SLC25A26: variants seen among roughly 807,000 people sequenced by gnomAD.
SLC25A26 encodes mitochondrial S-adenosylmethionine carrier protein.
In SLC25A26, 36 loss-of-function variants were observed where a neutral mutation model predicts 37.8. The ratio of observed to expected loss-of-function variants is 0.95; its 90% CI spans 0.73 to 1.26. The LOEUF is 1.26. SLC25A26 is among the 50% of genes most tolerant of loss of function. The pLI, the probability that SLC25A26 is intolerant of heterozygous loss-of-function variation, is 0.00. For synonymous variants in SLC25A26, 129 were observed against 122.5 expected (o/e 1.05, Z -0.35); for missense variants, 390 against 331.1 (o/e 1.18, Z -1.38).
intron 1 of SLC25A26, among the ~76,000 whole-genome samples, chr3:66,168,116 G>A (rs549198343): frequency 1.5e-4 from 15 of 102,234 alleles, no homozygotes; most frequent in Non-Finnish European, 2.9e-4. Context: ...TCGTGCCATC[G>A]CACTCCAGAC....
intron 1 of SLC25A26, among the ~76,000 whole-genome samples, chr3:66,193,860 G>A (rs2070992174): frequency 6.6e-6 from 1 of 152,114 alleles, no homozygotes; most frequent in Admixed American, 6.6e-5. Context: ...GACAAGAAAA[G>A]TCTTGGAGAA....
At chr3:66,328,082 T>C (rs1041249923) in intron 5 of SLC25A26, among the ~76,000 whole-genome samples, 6 of 152,170 alleles carry the variant, frequency 3.9e-5, no homozygotes, top group African/African-American at 1.4e-4. Flanking sequence ...ACCTCCCGCC[T>C]GCCATTGGTT....
intron 5 of SLC25A26, among the ~76,000 whole-genome samples, chr3:66,322,907 G>A (rs2075734480): frequency 6.6e-6 from 1 of 152,188 alleles, no homozygotes; most frequent in Non-Finnish European, 1.5e-5. Context: ...TCAAGTGGGA[G>A]CAAATTTCCC....
At chr3:66,270,175 CTT>C (rs1469359369) in intron 5 of SLC25A26, among the ~76,000 whole-genome samples, 2 of 152,114 alleles carry the variant, frequency 1.3e-5, no homozygotes, top group Non-Finnish European at 2.9e-5. Context: ...AGCGTATATA[CTT>C]TTCTAAGATT....
chr3:66,147,530 A>T (rs1340990505), intron 1 of SLC25A26, among the ~76,000 whole-genome samples: 1 of 151,914 alleles, frequency 6.6e-6, no homozygotes, highest in Non-Finnish European at 1.5e-5. Flanking sequence ...GCACTTGTGG[A>T]CTGTGCGGCT....
At chr3:66,313,080 T>C (rs2075429152) in intron 5 of SLC25A26, among the ~76,000 whole-genome samples, 1 of 152,232 alleles carries the variant, frequency 6.6e-6, no homozygotes, top group South Asian at 2.1e-4. Context: ...GTAGGTTGCC[T>C]GTTTGCTCTG....
intron 6 of SLC25A26, among the ~76,000 whole-genome samples, chr3:66,347,044 A>G (rs752402943): frequency 1.3e-5 from 2 of 152,174 alleles, no homozygotes; most frequent in Non-Finnish European, 2.9e-5. Flanking sequence ...TGTTTTAACC[A>G]TTAAGGACAT....
chr3:66,297,941 C>T (rs2074957727), intron 5 of SLC25A26, among the ~76,000 whole-genome samples: 1 of 152,210 alleles, frequency 6.6e-6, no homozygotes, highest in Admixed American at 6.5e-5. Context: ...TATAGCATAT[C>T]ATTTCCTCGT....
At chr3:66,212,871 C>G (rs2071304838) in intron 1 of SLC25A26, among the ~76,000 whole-genome samples, 1 of 152,124 alleles carries the variant, frequency 6.6e-6, no homozygotes, top group African/African-American at 2.4e-5. Context: ...ATGTACATTC[C>G]ATATTTTGTG....
chr3:66,178,403 C>T (rs926379401), intron 1 of SLC25A26, among the ~76,000 whole-genome samples: 5 of 152,174 alleles, frequency 3.3e-5, no homozygotes, highest in Non-Finnish European at 5.9e-5. Context: ...AGGTTCCATC[C>T]CCGCCTCCTG....
At chr3:66,367,907 A>T (rs2076860841) in intron 7 of SLC25A26, among the ~76,000 whole-genome samples, 1 of 152,238 alleles carries the variant, frequency 6.6e-6, no homozygotes, top group Non-Finnish European at 1.5e-5. Flanking sequence ...GAAGAGTTTT[A>T]CATAGTCATA....
chr3:66,325,514 G>A (rs920509061), intron 5 of SLC25A26, among the ~76,000 whole-genome samples: 3 of 152,180 alleles, frequency 2.0e-5, no homozygotes, highest in Non-Finnish European at 2.9e-5. Context: ...CTTTATAGGC[G>A]CTATGAGAAT....
intron 3 of SLC25A26, among the ~76,000 whole-genome samples, chr3:66,255,455 C>T (rs1246699263): frequency 6.6e-6 from 1 of 150,502 alleles, no homozygotes; most frequent in African/African-American, 2.4e-5. Flanking sequence ...AGGAGGCCAG[C>T]ATTGCATTTT....
chr3:66,193,103 C>A (rs1400402156), intron 1 of SLC25A26, among the ~76,000 whole-genome samples: 1 of 152,022 alleles, frequency 6.6e-6, no homozygotes, highest in Non-Finnish European at 1.5e-5. Context: ...TTGTGTAGTT[C>A]ACTCATATAA....
At chr3:66,221,286 A>G (rs147193682) in intron 1 of SLC25A26, 159 bp downstream of exon 1, 99 of 330,996 alleles carry the variant, frequency 3.0e-4, no homozygotes, top group African/African-American at 2.1e-3. Flanking sequence ...CTCCCAGGCC[A>G]CCGGCGGGCC....
rs1351549216 is a variant in SLC25A26 at position 66,262,098 on chromosome 3, A to G, written c.348A>G (p.Ala116=). ...RVPSEVVKQR[A]QVSASTRTFQ... Reference sequence around the variant, plus strand: ...CATCTGAAGTGGTTAAGCAGAGGGCACAGGTATCTGCTTCTACAAGAACAT... The same window carrying G: ...CATCTGAAGTGGTTAAGCAGAGGGCGCAGGTATCTGCTTCTACAAGAACAT... Residue 116 remains alanine, a synonymous_variant, in exon 4 of 10, where the codon GCA becomes GCG. Coordinates refer to ENST00000354883, the MANE Select transcript of SLC25A26 (RefSeq NM_001379210.1). 1 of 1,590,446 alleles carries G rather than the reference A, an allele frequency of 6.3e-7. No homozygotes were observed. The highest frequency in any genetic ancestry group is 8.6e-7 in the Non-Finnish European group (1 of 1,167,512).
intron 3 of SLC25A26, among the ~76,000 whole-genome samples, chr3:66,255,038 A>G (rs1282814408): frequency 6.6e-6 from 1 of 152,232 alleles, no homozygotes; most frequent in Non-Finnish European, 1.5e-5. Context: ...TTTTAGCAGC[A>G]TCCATCTCTC....
intron 3 of SLC25A26, among the ~76,000 whole-genome samples, chr3:66,249,059 G>A (rs1300209766): frequency 6.6e-6 from 1 of 152,128 alleles, no homozygotes; most frequent in East Asian, 1.9e-4. Flanking sequence ...CACAACACTG[G>A]GTGTGGTGTA....
At chr3:66,278,915 G>A (rs2074246189) in intron 5 of SLC25A26, among the ~76,000 whole-genome samples, 1 of 152,122 alleles carries the variant, frequency 6.6e-6, no homozygotes, top group African/African-American at 2.4e-5. Context: ...GATTCTAAAA[G>A]TGGAGTACCG....
Sources: gnomAD v4.1 joint callset for allele counts (sites outside exome capture counted in the v4.1 genomes callset) on GRCh38, gnomAD v4.1.1 for gene constraint, MANE v1.5 for transcripts, NCBI Gene and HGNC (gene_info 2026-07-23, HGNC 2026-07-21) for gene names.